Variants in LPO observed in about 807,000 individuals in gnomAD.
LPO encodes the protein salivary peroxidase.
Under a neutral mutation model 68.4 loss-of-function variants are expected in LPO, and 70 were observed. The ratio of observed to expected loss-of-function variants is 1.02; its 90% CI spans 0.84 to 1.25. The LOEUF (loss-of-function observed/expected upper bound fraction) is 1.25. Among genes scored for constraint, LPO ranks in the 50% most tolerant of loss-of-function variants. LPO has a pLI of 0.00. For synonymous variants in LPO, 360 were observed against 357.6 expected (o/e 1.01, Z -0.08); for missense variants, 873 against 908.4 (o/e 0.96, Z 0.50).
intron 1 of LPO, among the ~76,000 whole-genome samples, chr17:58,239,345 G>C (rs1189295660): frequency 1.3e-5 from 2 of 151,344 alleles, no homozygotes; most frequent in African/African-American, 4.9e-5. Flanking sequence ...TGTGTGACCT[G>C]TATGCAGCGG....
intron 3 of LPO, among the ~76,000 whole-genome samples, chr17:58,246,539 G>A (rs1049756328): frequency 1.3e-5 from 2 of 152,184 alleles, no homozygotes; most frequent in Non-Finnish European, 2.9e-5. Context: ...AGTCCCTGGT[G>A]AATCTGTGTT....
At chr17:58,249,739 G>A (rs778636807) in intron 6 of LPO, 44 bp downstream of exon 6, 23 of 1,524,336 alleles carry the variant, frequency 1.5e-5, no homozygotes, top group Non-Finnish European at 2.0e-5. Context: ...AGCCAGAGGG[G>A]ACGGGATGCA....
chr17:58,241,452 T>G (rs1252202661), intron 1 of LPO, among the ~76,000 whole-genome samples: 1 of 152,120 alleles, frequency 6.6e-6, no homozygotes, highest in East Asian at 1.9e-4. Context: ...CAATGATACC[T>G]TTTCCTCCAA....
intron 2 of LPO, 176 bp from the exon 3 acceptor site, chr17:58,243,818 C>T (rs560847998): frequency 4.9e-6 from 3 of 606,984 alleles, no homozygotes; most frequent in South Asian, 3.9e-5. Flanking sequence ...GTATTCTTCC[C>T]ATTCTGTGCT....
chr17:58,258,232 GA>G (rs1458052393), intron 9 of LPO, among the ~76,000 whole-genome samples: 2 of 152,234 alleles, frequency 1.3e-5, no homozygotes, highest in East Asian at 3.9e-4. Flanking sequence ...CAATGTCCTG[GA>G]GATTTTCCCC....
intron 12 of LPO, 60 bp downstream of exon 12, chr17:58,267,646 A>C: frequency 6.6e-7 from 1 of 1,516,072 alleles, no homozygotes; most frequent in Non-Finnish European, 9.0e-7. Flanking sequence ...GGGGTGTCCC[A>C]AGGTCCTGCG....
At position 58,268,474 on chromosome 17, in the gene LPO, A is replaced by G. The variant is rs1970319390; in HGVS notation, c.*480A>G. The G allele has an allele frequency of 6.3e-6, 1 of 159,934 alleles. No individual in the cohort carries two copies. The highest frequency in any genetic ancestry group is 2.4e-5 in the African/African-American group (1 of 41,540). 9.9% of individuals were successfully genotyped at this position (159,934 alleles called of 1,614,324 possible). On this transcript the variant is annotated 3_prime_UTR_variant, in exon 13 of 13. Coordinates refer to ENST00000262290, the MANE Select transcript of LPO (RefSeq NM_006151.3). Reference sequence around the variant, plus strand: ...GTGACACCGTTCCCTCCAAAAGCAGACCTCGGAATCACTGCCAAATAAGTA... The same window carrying G: ...GTGACACCGTTCCCTCCAAAAGCAGGCCTCGGAATCACTGCCAAATAAGTA...
rs1467822817 is a variant in LPO at position 58,264,901 on chromosome 17, T to A, written c.1446T>A (p.Tyr482Ter). ...PSSMFRLDEN[Y>*]QPWGPEPELP... ...GTATGTTCCGCCTGGATGAGAATTA[T>A]CAGCCATGGGGGCCAGAACCAGAAC... Residue 482 changes from tyrosine (Y) to a stop codon, truncating the protein, a stop_gained, in exon 10 of 13, where the codon TAT (tyrosine) becomes TAA (stop). Transcript: ENST00000262290. LOFTEE classifies it high-confidence loss of function. 2 of 1,614,232 alleles carry A rather than the reference T, an allele frequency of 1.2e-6. No individual in the cohort carries two copies. The highest frequency in any genetic ancestry group is 1.7e-6 in the Non-Finnish European group (2 of 1,180,044).
chr17:58,264,292 T>C lies in LPO; in HGVS notation c.1267-430T>C, dbSNP rs529279591. 2.6e-5 allele frequency among the ~76,000 whole-genome samples: 4 copies of C among 152,364 alleles called. No individual in the cohort carries two copies. In the South Asian group the frequency reaches 8.3e-4, roughly 32 times the overall value. ...AGAAACCAGTCTTTCCATTCTTCTG[T>C]ATTTCTTTCAGAACTGGAGATTGGA... On this transcript the variant is annotated intron_variant, in intron 9 of 12. Transcript: ENST00000262290.
At chr17:58,246,423 G>A (rs913149986) in intron 3 of LPO, among the ~76,000 whole-genome samples, 6 of 152,176 alleles carry the variant, frequency 3.9e-5, no homozygotes, top group African/African-American at 1.2e-4. Context: ...AGATGGGAGA[G>A]GATGATGGCT....
rs193058260 is a variant in LPO, at chr17:58,239,465, G to A, written c.-3+726G>A. Among the ~76,000 whole-genome samples the A allele has an allele frequency of 1.3e-3, 202 of 152,098 alleles. 2 individuals are homozygous for A. Among genetic ancestry groups the A allele is most frequent in the African/African-American group, 4.6e-3 (190 of 41,484 alleles). On this transcript the variant is annotated intron_variant, in intron 1 of 12. Transcript: ENST00000262290. The stretch of plus-strand genomic sequence containing the variant: ...TGAAGTAGATTATTTCCGCTCTAGA[G>A]GGCTTGATAAGAGCTATCTCTTCAT...
intron 6 of LPO, among the ~76,000 whole-genome samples, chr17:58,249,916 T>G (rs1003110530): frequency 2.0e-5 from 3 of 152,172 alleles, no homozygotes; most frequent in Non-Finnish European, 4.4e-5. Context: ...CCAGATACCC[T>G]GGGGTCTCCC....
At chr17:58,254,132 GATATATAGATATATAGATAT>G (rs201136989) in intron 8 of LPO, among the ~76,000 whole-genome samples, 6,667 of 124,334 alleles carry the variant, frequency 0.054, 150 homozygotes, top group Middle Eastern at 0.073. Context: ...GATGATGATA[GATATATAGATATATAGATAT>G]ATAGATAGAT....
In LPO at chr17:58,267,532, C is replaced by G; in HGVS notation, c.1877C>G (p.Pro626Arg). 6.2e-7 allele frequency: 1 copy of G among 1,613,924 alleles called. No individual in the cohort carries two copies. Among genetic ancestry groups the G allele is most frequent in the Non-Finnish European group, 8.5e-7 (1 of 1,179,836 alleles). The change falls in exon 12 of 13, where the codon CCT (proline) becomes CGT (arginine). Residue 626 changes from proline (P) to arginine (R), a missense_variant. Pro to Arg is a moderately radical substitution (Grantham distance 103). Coordinates refer to ENST00000262290, the MANE Select transcript of LPO (RefSeq NM_006151.3). Reference sequence around the variant, plus strand: ...CTGGTGGAAAGGGGTCGGGTGGGGCCTCTCCTGGCCTGCCTCTTGGGCAAG... The same window carrying G: ...CTGGTGGAAAGGGGTCGGGTGGGGCGTCTCCTGGCCTGCCTCTTGGGCAAG... The part of the protein sequence containing the change: ...EPLVERGRVG[P>R]LLACLLGKQF...
At chr17:58,251,951 G>C in intron 7 of LPO, 1 of 740,502 alleles carries the variant, frequency 1.4e-6, no homozygotes, top group Non-Finnish European at 2.5e-6. Flanking sequence ...CTCACTGTGA[G>C]GACTGAATGA....
intron 3 of LPO, 142 bp downstream of exon 3, chr17:58,244,223 A>C (rs1428552520): frequency 6.0e-6 from 4 of 672,070 alleles, no homozygotes; most frequent in Non-Finnish European, 1.1e-5. Context: ...TTACCCTTCC[A>C]TCCTCCTAGC....
intron 10 of LPO, among the ~76,000 whole-genome samples, chr17:58,265,353 T>C (rs1255597820): frequency 1.3e-5 from 2 of 152,182 alleles, no homozygotes; most frequent in South Asian, 2.1e-4. Flanking sequence ...TGCTCTTTTC[T>C]GATCTCTTCT....
In LPO at chr17:58,267,398, A is replaced by G. The variant is rs1405309895; in HGVS notation, c.1743A>G (p.Leu581=). The G allele has an allele frequency of 6.2e-7, 1 of 1,614,124 alleles. No homozygotes were observed. The highest frequency in any genetic ancestry group is 1.3e-5 in the African/African-American group (1 of 74,950). The change falls in exon 12 of 13, where the codon CTA becomes CTG. Residue 581 remains leucine (L), a synonymous_variant. Coordinates refer to ENST00000262290, the MANE Select transcript of LPO (RefSeq NM_006151.3). ...GTGACCTCTCACAGCCGCAGACACT[A>G]GAGGAGTTGAACACAGTGCTGAAGA... is the stretch of plus-strand genomic sequence containing the variant. ...AFCDLSQPQT[L]EELNTVLKSK... is the part of the protein sequence containing the mutation.
chr17:58,248,252 A>G (rs1488719445), intron 4 of LPO, among the ~76,000 whole-genome samples: 1 of 152,204 alleles, frequency 6.6e-6, no homozygotes, highest in Non-Finnish European at 1.5e-5. Context: ...CTGGGAAAAC[A>G]TCAAGTGAGG....
Sources: allele counts gnomAD v4.1 joint callset (sites outside exome capture counted in the v4.1 genomes callset), GRCh38; gene constraint gnomAD v4.1.1; transcripts MANE v1.5; gene names NCBI Gene and HGNC (gene_info 2026-07-23, HGNC 2026-07-21).